KCNT1: variants seen among roughly 807,000 people sequenced by gnomAD.
KCNT1 encodes potassium sodium-activated channel subfamily T member 1, also known as potassium channel subfamily T member 1.
A neutral mutation model predicts 147.8 loss-of-function variants in KCNT1; 78 were observed. The observed-to-expected ratio is 0.53, with a 90% CI of 0.44 to 0.64. KCNT1 has a LOEUF of 0.64. KCNT1 is among the 30% of genes least tolerant of loss of function. KCNT1 has a pLI of 0.00. For missense variants in KCNT1, 1,419 were observed against 1,750.3 expected (o/e 0.81, Z 3.38); for synonymous variants, 867 against 748.8 (o/e 1.16, Z -2.58).
chr9:135,784,915 A>G (rs1427729608), intron 27 of KCNT1, 26 bp downstream of exon 27: 1 of 1,608,814 alleles, frequency 6.2e-7, no homozygotes. Flanking sequence ...GGGGGCTGGG[A>G]CTGTGGCAGC....
At chr9:135,767,481 G>A (rs7853826) in intron 13 of KCNT1, among the ~76,000 whole-genome samples, 19,112 of 152,154 alleles carry the variant, frequency 0.13, 1,306 homozygotes, top group East Asian at 0.26. Context: ...CCCAGGAGGC[G>A]CTGGAAGTGA....
At chr9:135,740,901 C>T (rs1358045284) in intron 2 of KCNT1, among the ~76,000 whole-genome samples, 1 of 151,918 alleles carries the variant, frequency 6.6e-6, no homozygotes, top group African/African-American at 2.4e-5. Flanking sequence ...CTCAGCTCCC[C>T]TCCCCTCCCC....
chr9:135,712,026 A>G (rs1835517171), intron 1 of KCNT1, among the ~76,000 whole-genome samples: 1 of 152,220 alleles, frequency 6.6e-6, no homozygotes, highest in Non-Finnish European at 1.5e-5. Flanking sequence ...GCCCAGCAGG[A>G]CTGATGGGCC....
intron 2 of KCNT1, chr9:135,736,456 T>G (rs917545460): frequency 2.6e-5 from 4 of 152,182 alleles, no homozygotes; most frequent in African/African-American, 9.7e-5. Flanking sequence ...TGGGGCGTCC[T>G]GGCGGTGGTT....
At chr9:135,729,436 T>C (rs76755829) in intron 2 of KCNT1, among the ~76,000 whole-genome samples, 3,135 of 152,378 alleles carry the variant, frequency 0.021, 47 homozygotes, top group South Asian at 0.034. Context: ...TGGGAGCAGA[T>C]TCCTGCTGGG....
intron 1 of KCNT1, among the ~76,000 whole-genome samples, chr9:135,706,185 G>A (rs1197799385): frequency 6.6e-6 from 1 of 152,220 alleles, no homozygotes; most frequent in Non-Finnish European, 1.5e-5. Flanking sequence ...TTACGAGGTT[G>A]TGTTGAGCCC....
chr9:135,716,889 G>A (rs1835740055), intron 2 of KCNT1, among the ~76,000 whole-genome samples: 1 of 152,220 alleles, frequency 6.6e-6, no homozygotes, highest in African/African-American at 2.4e-5. Flanking sequence ...AGAGCTTCGG[G>A]GCTGTGTGGT....
At chr9:135,749,170 C>T (rs1251888989) in intron 2 of KCNT1, among the ~76,000 whole-genome samples, 1 of 152,198 alleles carries the variant, frequency 6.6e-6, no homozygotes, top group East Asian at 1.9e-4. Context: ...CCCAGCACAG[C>T]CGGGCACAGG....
Position 135,792,322 on chromosome 9 carries a change from G to T in KCNT1, c.*161G>T, listed in dbSNP as rs878859326. ...CCCTGGAAAGGAGCCCCTCATGCGG[G>T]GGGAGGGCCAGCTCACCCCTGGGCA... On this transcript the variant is annotated 3_prime_UTR_variant, in exon 31 of 31. Transcript: ENST00000371757. The T allele has an allele frequency of 1.2e-5, 11 of 940,636 alleles. No individual in the cohort carries two copies. In the East Asian group the frequency reaches 1.7e-4, roughly 14 times the overall value. The allele number at this position is 940,636 out of a possible 1,614,324, so 58.3% of individuals were successfully genotyped here. A position where few individuals can be genotyped will look rare whatever the true frequency, so the allele number is the denominator to read the frequency against.
At chr9:135,723,196 T>C (rs1439316242) in intron 2 of KCNT1, among the ~76,000 whole-genome samples, 1 of 152,198 alleles carries the variant, frequency 6.6e-6, no homozygotes, top group Non-Finnish European at 1.5e-5. Flanking sequence ...AGCTGGGGGC[T>C]GCAGAGCTCG....
chr9:135,787,359 C>T (rs1368998387), intron 29 of KCNT1, among the ~76,000 whole-genome samples: 2 of 152,224 alleles, frequency 1.3e-5, no homozygotes. Flanking sequence ...TTGATGAAGC[C>T]ATGGGCCCCA....
intron 2 of KCNT1, among the ~76,000 whole-genome samples, chr9:135,722,885 A>G (rs965237676): frequency 1.3e-5 from 2 of 152,178 alleles, no homozygotes; most frequent in African/African-American, 4.8e-5. Flanking sequence ...TCAACAAGGG[A>G]ATCTGGGGGT....
chr9:135,716,490 C>G (rs757929584), intron 2 of KCNT1, among the ~76,000 whole-genome samples: 4 of 152,140 alleles, frequency 2.6e-5, no homozygotes, highest in Non-Finnish European at 2.9e-5. Context: ...CAGAATTTAC[C>G]GTTAGTGACA....
intron 2 of KCNT1, among the ~76,000 whole-genome samples, chr9:135,749,469 G>A (rs896069787): frequency 2.0e-5 from 3 of 152,198 alleles, no homozygotes; most frequent in Non-Finnish European, 4.4e-5. Flanking sequence ...TGGGGCCATA[G>A]GTGAGCCTGA....
At position 135,777,662 on chromosome 9, in the gene KCNT1, G is replaced by T. The variant is rs565923121; in HGVS notation, c.2522+152G>T. The T allele has an allele frequency of 8.1e-6, 6 of 739,256 alleles. No homozygotes were observed. In the African/African-American group the frequency reaches 1.1e-4, roughly 13 times the overall value. 45.8% of individuals were successfully genotyped at this position (739,256 alleles called of 1,614,324 possible). A position where few individuals can be genotyped will look rare whatever the true frequency, so the allele number is the denominator to read the frequency against. ...TCCTCTCAGCTTTCCTAAAAAGGGG[G>T]ACTCTCCTTCCTGCTCCCAACTCCT... is the stretch of plus-strand genomic sequence containing the variant. On this transcript the variant is annotated intron_variant, in intron 21 of 30. Coordinates refer to ENST00000371757, the MANE Select transcript of KCNT1 (RefSeq NM_020822.3).
At chr9:135,734,205 C>T (rs544190466) in intron 2 of KCNT1, among the ~76,000 whole-genome samples, 2 of 152,302 alleles carry the variant, frequency 1.3e-5, no homozygotes, top group African/African-American at 4.8e-5. Flanking sequence ...AGGGTCGAGC[C>T]TCTCCAGGCT....
intron 12 of KCNT1, 96 bp from the exon 13 acceptor site, chr9:135,765,528 C>T: frequency 7.3e-7 from 1 of 1,363,578 alleles, no homozygotes; most frequent in Non-Finnish European, 1.0e-6. Context: ...GCTCTAGGGC[C>T]CAGAGGTGGT....
chr9:135,736,771 A>G (rs1290818493), intron 2 of KCNT1: 1 of 376,064 alleles, frequency 2.7e-6, no homozygotes, highest in Non-Finnish European at 4.7e-6. Context: ...CTCCGTGGGC[A>G]GCGACGTGGG....
At position 135,772,938 on chromosome 9, in the gene KCNT1, C is replaced by G. The variant is rs1281401990; in HGVS notation, c.2232C>G (p.Leu744=). 6.7e-7 allele frequency: 1 copy of G among 1,503,180 alleles called. No homozygotes were observed. The highest frequency in any genetic ancestry group is 8.9e-7 in the Non-Finnish European group (1 of 1,127,836). The allele number at this position is 1,503,180 out of a possible 1,614,324, so 93.1% of individuals were successfully genotyped here. The change falls in exon 19 of 31, where the codon CTC becomes CTG. Residue 744 remains leucine, a synonymous_variant. Transcript: ENST00000371757. ...TGACGCCGTCGGACGACGAGGGGCT[C>G]TCCGTGGTAGAGTGAGTGCTGCCTT... ...DEVTPSDDEG[L]SVVEYVKGYP... is the part of the protein sequence containing the mutation.
Sources: gnomAD v4.1 joint callset for allele counts (sites outside exome capture counted in the v4.1 genomes callset) on GRCh38, gnomAD v4.1.1 for gene constraint, MANE v1.5 for transcripts, NCBI Gene and HGNC (gene_info 2026-07-23, HGNC 2026-07-21) for gene names.